Variants in NRCAM observed in about 807,000 individuals in gnomAD.
The protein encoded by NRCAM is neuronal cell adhesion molecule.
In NRCAM, 83 loss-of-function variants were observed where a neutral mutation model predicts 156.5. The ratio of observed to expected loss-of-function variants is 0.53; its 90% CI spans 0.44 to 0.64. NRCAM has a LOEUF of 0.64. Ranked by LOEUF, NRCAM falls within the 30% of genes least tolerant of loss-of-function variation. The probability of loss-of-function intolerance (pLI) is 0.00; values close to 1 mark genes in which losing one functional copy is unlikely to be tolerated. For missense variants in NRCAM, 1,417 were observed against 1,597.3 expected (o/e 0.89, Z 1.92); for synonymous variants, 538 against 563.9 (o/e 0.95, Z 0.65).
At chr7:108,430,713 C>G (rs7792379) in intron 1 of NRCAM, among the ~76,000 whole-genome samples, 145,183 of 152,292 alleles carry the variant, frequency 0.95, 69,261 homozygotes, top group East Asian at 1. Flanking sequence ...TGAATATTCT[C>G]ATTTCTCTGC....
At chr7:108,386,826 T>A (rs1021000110) in intron 2 of NRCAM, among the ~76,000 whole-genome samples, 2 of 152,134 alleles carry the variant, frequency 1.3e-5, no homozygotes, top group Non-Finnish European at 2.9e-5. Context: ...GTGTTTGAAT[T>A]TCTAGGAGGT....
intron 2 of NRCAM, among the ~76,000 whole-genome samples, chr7:108,390,385 TG>T (rs1181961554): frequency 6.6e-6 from 1 of 152,100 alleles, no homozygotes; most frequent in Non-Finnish European, 1.5e-5. Context: ...AAAATACTGG[TG>T]GTAGTTTGTA....
At chr7:108,227,606 G>T (rs576297844) in intron 8 of NRCAM, among the ~76,000 whole-genome samples, 1 of 152,302 alleles carries the variant, frequency 6.6e-6, no homozygotes, top group South Asian at 2.1e-4. Context: ...GAGGTGGAAC[G>T]ATTGATCTGT....
At chr7:108,246,734 G>C (rs1435310983) in intron 3 of NRCAM, among the ~76,000 whole-genome samples, 1 of 152,210 alleles carries the variant, frequency 6.6e-6, no homozygotes, top group Non-Finnish European at 1.5e-5. Flanking sequence ...TGCCACACTA[G>C]TGACTGAGGT....
intron 2 of NRCAM, among the ~76,000 whole-genome samples, chr7:108,351,542 T>C (rs953776916): frequency 6.6e-6 from 1 of 152,178 alleles, no homozygotes; most frequent in African/African-American, 2.4e-5. Flanking sequence ...CAGGGCTCTC[T>C]CCACTGAGTA....
chr7:108,331,322 G>A (rs989204549), intron 2 of NRCAM, among the ~76,000 whole-genome samples: 2 of 151,910 alleles, frequency 1.3e-5, no homozygotes, highest in African/African-American at 4.8e-5. Flanking sequence ...GATCCCTTGA[G>A]CCCAGAAGGT....
intron 2 of NRCAM, among the ~76,000 whole-genome samples, chr7:108,392,979 T>G (rs2395994): frequency 0.95 from 144,167 of 152,232 alleles, 68,321 homozygotes; most frequent in East Asian, 1. Flanking sequence ...TGCCCCTACT[T>G]GGGGGTGCCT....
chr7:108,312,280 A>G (rs1234755473), intron 3 of NRCAM, among the ~76,000 whole-genome samples: 1 of 152,206 alleles, frequency 6.6e-6, no homozygotes, highest in Non-Finnish European at 1.5e-5. Flanking sequence ...TTGATATATT[A>G]TTGAATCAAA....
intron 32 of NRCAM, among the ~76,000 whole-genome samples, chr7:108,154,355 A>G (rs1402096520): frequency 6.6e-6 from 1 of 152,218 alleles, no homozygotes; most frequent in Non-Finnish European, 1.5e-5. Flanking sequence ...GCTTGCTGAT[A>G]CATAGAAATA....
chr7:108,338,252 ACTTT>A (rs1204634255), intron 2 of NRCAM, among the ~76,000 whole-genome samples: 2 of 152,156 alleles, frequency 1.3e-5, no homozygotes, highest in Non-Finnish European at 2.9e-5. Context: ...CCTAACCATG[ACTTT>A]CTTAAAAGGG....
At chr7:108,235,774 A>C (rs1562882016) in intron 5 of NRCAM, among the ~76,000 whole-genome samples, 1 of 152,172 alleles carries the variant, frequency 6.6e-6, no homozygotes, top group Non-Finnish European at 1.5e-5. Context: ...GGATGTTGCT[A>C]AACATCTAAC....
At chr7:108,233,418 T>C (rs1332465140) in intron 6 of NRCAM, among the ~76,000 whole-genome samples, 1 of 152,190 alleles carries the variant, frequency 6.6e-6, no homozygotes, top group African/African-American at 2.4e-5. Context: ...CCACGGATGC[T>C]GCCAAATATC....
At chr7:108,317,795 G>A (rs889204028) in intron 2 of NRCAM, among the ~76,000 whole-genome samples, 1 of 151,680 alleles carries the variant, frequency 6.6e-6, no homozygotes, top group African/African-American at 2.4e-5. Context: ...TGTAATCCCA[G>A]CTCCTAGGGA....
In NRCAM at chr7:108,168,354, T is replaced by G. The variant is rs781037121; in HGVS notation, c.3236A>C (p.Glu1079Ala). The change falls in exon 29 of 33, where the codon GAG becomes GCG. Residue 1079 changes from glutamate (E) to alanine (A), a missense_variant. Physicochemically the swap from Glu to Ala is moderately radical, Grantham distance 107. Around this residue, in one of 2 missense-constraint regions of NRCAM, gnomAD observed 1,238 missense variants for 1,336.4 expected, o/e 0.93. Transcript: ENST00000379028. The part of the protein sequence containing the change: ...RISNLTAAAA[E>A]TYANISWEYE... ...TTCCCAACTGATATTGGCATAGGTC[T>G]CAGCAGCTGCAGCAGTAAGATTGCT... The G allele has an allele frequency of 1.2e-6, 2 of 1,608,696 alleles. No individual in the cohort carries two copies. The highest frequency in any genetic ancestry group is 1.7e-6 in the Non-Finnish European group (2 of 1,177,814).
chr7:108,365,971 C>A (rs1595269946), intron 2 of NRCAM, among the ~76,000 whole-genome samples: 1 of 152,228 alleles, frequency 6.6e-6, no homozygotes, highest in African/African-American at 2.4e-5. Flanking sequence ...GAGCGGAGGC[C>A]TTTAAGAGTA....
chr7:108,196,483 T>C (rs534336296), intron 14 of NRCAM, among the ~76,000 whole-genome samples: 1 of 152,178 alleles, frequency 6.6e-6, no homozygotes, highest in East Asian at 1.9e-4. Context: ...AATAATTCAA[T>C]AGTAAGAAAA....
intron 28 of NRCAM, among the ~76,000 whole-genome samples, chr7:108,172,703 CA>C (rs1375628643): frequency 6.6e-6 from 1 of 152,118 alleles, no homozygotes; most frequent in East Asian, 1.9e-4. Context: ...ATAAATGACT[CA>C]AAGGTCTCGC....
At chr7:108,448,196 T>C (rs560236108) in intron 1 of NRCAM, among the ~76,000 whole-genome samples, 13 of 152,258 alleles carry the variant, frequency 8.5e-5, no homozygotes, top group Non-Finnish European at 1.8e-4. Flanking sequence ...GTATATATCA[T>C]GATTCATGTA....
chr7:108,183,583 C>T (rs1247194579), intron 22 of NRCAM, among the ~76,000 whole-genome samples: 2 of 151,296 alleles, frequency 1.3e-5, no homozygotes, highest in South Asian at 2.1e-4. Flanking sequence ...GTCACCCAGG[C>T]TGGAGTGCAG....
Sources: gnomAD v4.1 joint callset for allele counts (sites outside exome capture counted in the v4.1 genomes callset) on GRCh38, gnomAD v4.1.1 for gene constraint, gnomAD v4.1.1 regional missense constraint, MANE v1.5 for transcripts, NCBI Gene and HGNC (gene_info 2026-07-23, HGNC 2026-07-21) for gene names.